The following RPS6KC1 variants were observed in gnomAD, a reference collection of about 807,000 sequenced individuals.
RPS6KC1 encodes the protein inactive ribosomal protein S6 kinase delta-1.
A neutral mutation model predicts 103.8 loss-of-function variants in RPS6KC1; 54 were observed. The ratio of observed to expected loss-of-function variants is 0.52; its 90% confidence interval spans 0.42 to 0.65. The LOEUF (loss-of-function observed/expected upper bound fraction) is 0.65. Among genes scored for constraint, RPS6KC1 ranks in the 30% least tolerant of loss-of-function variants. The probability of loss-of-function intolerance (pLI) is 0.00; values close to 1 mark genes in which losing one functional copy is unlikely to be tolerated. For missense variants in RPS6KC1, 1,151 were observed against 1,253.8 expected (o/e 0.92, Z 1.24); for synonymous variants, 439 against 438.7 (o/e 1.00, Z -0.01).
chr1:213,714,152 C>T, the RPS6KC1 span, among the ~76,000 whole-genome samples: 353 of 152,304 alleles, frequency 2.3e-3, no homozygotes, highest in African/African-American at 8.0e-3. Flanking sequence ...ATTTCTTGTG[C>T]CTCAATAATG....
intron 6 of RPS6KC1, among the ~76,000 whole-genome samples, chr1:213,146,161 G>T (rs913051657): frequency 1.3e-5 from 2 of 149,958 alleles, no homozygotes; most frequent in Non-Finnish European, 3.0e-5. Context: ...TCTGTGCTTG[G>T]ATTATTTCAC....
At chr1:213,492,231 G>C in the RPS6KC1 span, 2 of 152,286 alleles carry the variant, frequency 1.3e-5, no homozygotes, top group African/African-American at 4.8e-5. Context: ...CCACTCGGGT[G>C]GCCACAGGCG....
chr1:213,295,005 T>C, the RPS6KC1 span, among the ~76,000 whole-genome samples: 30 of 152,026 alleles, frequency 2.0e-4, no homozygotes, highest in African/African-American at 7.0e-4. Context: ...CTCCCTGTGA[T>C]TGGGGGTCTT....
the RPS6KC1 span, among the ~76,000 whole-genome samples, chr1:213,660,234 A>C: frequency 2.6e-5 from 4 of 152,310 alleles, no homozygotes; most frequent in African/African-American, 9.6e-5. Flanking sequence ...AGTGACAGGG[A>C]GGAGGAACGG....
the RPS6KC1 span, among the ~76,000 whole-genome samples, chr1:213,440,481 C>A: frequency 6.8e-6 from 1 of 147,102 alleles, no homozygotes; most frequent in African/African-American, 2.5e-5. Flanking sequence ...TTAATATAAA[C>A]AAGTAACTCT....
chr1:213,181,108 T>C (rs1394316984), intron 8 of RPS6KC1, among the ~76,000 whole-genome samples: 3 of 152,200 alleles, frequency 2.0e-5, no homozygotes, highest in Admixed American at 6.5e-5. Context: ...AAGGGGAACA[T>C]TGATGACTTG....
the RPS6KC1 span, among the ~76,000 whole-genome samples, chr1:213,770,715 C>CT: frequency 2.3e-3 from 343 of 152,302 alleles, 3 homozygotes; most frequent in Non-Finnish European, 2.6e-3. Flanking sequence ...AGAGGCCAGC[C>CT]TTTTTGTACT....
chr1:213,309,019 C>T, the RPS6KC1 span, among the ~76,000 whole-genome samples: 35 of 152,178 alleles, frequency 2.3e-4, no homozygotes, highest in Admixed American at 5.9e-4. Context: ...AGGCCGGGCA[C>T]GGTGGCTCAC....
At chr1:213,727,130 T>G in the RPS6KC1 span, among the ~76,000 whole-genome samples, 1 of 152,128 alleles carries the variant, frequency 6.6e-6, no homozygotes, top group African/African-American at 2.4e-5. Flanking sequence ...CCCACCTAAC[T>G]GCAAGGGGGC....
At chr1:213,636,462 C>G in the RPS6KC1 span, among the ~76,000 whole-genome samples, 1 of 152,158 alleles carries the variant, frequency 6.6e-6, no homozygotes, top group Non-Finnish European at 1.5e-5. Context: ...AATAACACCA[C>G]ACATCTACAA....
At chr1:213,121,197 AG>A (rs1392058596) in intron 5 of RPS6KC1, among the ~76,000 whole-genome samples, 2 of 152,190 alleles carry the variant, frequency 1.3e-5, no homozygotes, top group African/African-American at 4.8e-5. Context: ...GGCCTCCCAA[AG>A]TGCTCGCATT....
intron 8 of RPS6KC1, among the ~76,000 whole-genome samples, chr1:213,206,440 A>G (rs906762519): frequency 6.6e-6 from 1 of 152,210 alleles, no homozygotes; most frequent in Non-Finnish European, 1.5e-5. Context: ...ATATTACAGT[A>G]TATCAGACAT....
chr1:213,606,722 C>G, the RPS6KC1 span, among the ~76,000 whole-genome samples: 1 of 152,154 alleles, frequency 6.6e-6, no homozygotes, highest in South Asian at 2.1e-4. Flanking sequence ...GTGAGATGCC[C>G]CCTGGAGATG....
the RPS6KC1 span, among the ~76,000 whole-genome samples, chr1:213,781,158 T>A: frequency 6.6e-6 from 1 of 152,236 alleles, no homozygotes; most frequent in Non-Finnish European, 1.5e-5. Flanking sequence ...TAACTGTTCC[T>A]ATCACAATAA....
At chr1:213,686,189 G>A in the RPS6KC1 span, among the ~76,000 whole-genome samples, 24 of 152,278 alleles carry the variant, frequency 1.6e-4, no homozygotes, top group African/African-American at 5.5e-4. Context: ...TTGGGACATT[G>A]CCCTCTGGAA....
intron 2 of RPS6KC1, among the ~76,000 whole-genome samples, chr1:213,071,375 T>C (rs1029485123): frequency 6.6e-6 from 1 of 152,152 alleles, no homozygotes. Flanking sequence ...GTGATCCACC[T>C]GCCTCAGCCT....
the RPS6KC1 span, among the ~76,000 whole-genome samples, chr1:213,472,986 T>C: frequency 6.6e-6 from 1 of 152,252 alleles, no homozygotes; most frequent in Non-Finnish European, 1.5e-5. Flanking sequence ...CAGTCCATGC[T>C]GGTGCTTTGG....
At chr1:213,106,249 GA>G (rs199781728) in intron 4 of RPS6KC1, among the ~76,000 whole-genome samples, 3 of 149,206 alleles carry the variant, frequency 2.0e-5, no homozygotes, top group African/African-American at 2.5e-5. Flanking sequence ...AATCAAGCAA[GA>G]AAAAAAAACT....
At chr1:213,224,517 C>T (rs1241739321) in intron 8 of RPS6KC1, among the ~76,000 whole-genome samples, 1 of 152,068 alleles carries the variant, frequency 6.6e-6, no homozygotes, top group African/African-American at 2.4e-5. Context: ...TGTATTCTTT[C>T]AATAAGGTAT....
Sources: gnomAD v4.1 joint callset for allele counts (sites outside exome capture counted in the v4.1 genomes callset) on GRCh38, gnomAD v4.1.1 for gene constraint, MANE v1.5 for transcripts, NCBI Gene and HGNC (gene_info 2026-07-23, HGNC 2026-07-21) for gene names.